ADAM8: variants seen among roughly 807,000 people sequenced by gnomAD.
The protein encoded by ADAM8 is disintegrin and metalloproteinase domain-containing protein 8.
Under a neutral mutation model 102.4 loss-of-function variants are expected in ADAM8, and 104 were observed. That is an observed-to-expected ratio of 1.02 (90% CI 0.87 to 1.20). The LOEUF (loss-of-function observed/expected upper bound fraction) is 1.20, where lower values mean the gene tolerates loss of function less well. Among genes scored for constraint, ADAM8 ranks in the 50% most tolerant of loss-of-function variants. ADAM8 has a pLI of 0.00. For missense variants in ADAM8, 1,132 were observed against 1,159.0 expected (o/e 0.98, Z 0.34); for synonymous variants, 517 against 485.2 (o/e 1.07, Z -0.86).
intron 21 of ADAM8, among the ~76,000 whole-genome samples, chr10:133,266,341 G>A (rs1353202926): frequency 6.6e-6 from 1 of 152,192 alleles, no homozygotes; most frequent in Non-Finnish European, 1.5e-5. Flanking sequence ...AGCAGGCCAG[G>A]CGAAGGGCAT....
Position 133,271,078 on chromosome 10 carries a change from A to G in ADAM8, c.1375-8T>C. The G allele has an allele frequency of 6.2e-7, 1 of 1,608,262 alleles. No homozygotes were observed. The highest frequency in any genetic ancestry group is 8.5e-7 in the Non-Finnish European group (1 of 1,177,968). On this transcript the variant is annotated splice_region_variant and splice_polypyrimidine_tract_variant and intron_variant, in intron 13 of 22. Coordinates refer to ENST00000445355, the MANE Select transcript of ADAM8 (RefSeq NM_001109.5). ...CTCACCAGCCGGCTTCACCTGGCCCAGCAGAGAACAGCTCACCATGGGGAC... is the reference window on the plus strand; with the variant it reads ...CTCACCAGCCGGCTTCACCTGGCCCGGCAGAGAACAGCTCACCATGGGGAC...
Position 133,262,990 on chromosome 10 carries a change from A to T in ADAM8, c.*166T>A, listed in dbSNP as rs999207304. 6.0e-5 allele frequency: 50 copies of T among 838,720 alleles called. No homozygotes were observed. The highest frequency in any genetic ancestry group is 9.2e-5 in the Non-Finnish European group (46 of 498,178). 52.0% of individuals were successfully genotyped at this position (838,720 alleles called of 1,614,324 possible). ...GAGAAGGAATTGGCTGAGGGCGTGG[A>T]CAGCAGGAGCCTCTCAGGTAGATGC... On this transcript the variant is annotated 3_prime_UTR_variant, in exon 23 of 23. Transcript: ENST00000445355.
chr10:133,270,861 C>T lies in ADAM8; in HGVS notation c.1564+20G>A. On this transcript the variant is annotated intron_variant, in intron 14 of 22. Coordinates refer to ENST00000445355, the MANE Select transcript of ADAM8 (RefSeq NM_001109.5). ...AAGGCCTGCAGCCACCCTGCCAGGC[C>T]AGCTCTGTGCCCACTTCACCTGGCC... 3 of 1,610,216 alleles carry T rather than the reference C, an allele frequency of 1.9e-6. No individual in the cohort carries two copies. The highest frequency in any genetic ancestry group is 1.7e-6 in the Non-Finnish European group (2 of 1,178,030).
At chr10:133,276,677 C>T (rs1846767319) in intron 1 of ADAM8, 95 bp downstream of exon 1, 12 of 1,459,250 alleles carry the variant, frequency 8.2e-6, no homozygotes, top group Non-Finnish European at 1.1e-5. Context: ...GTGCGGGGTG[C>T]GAGCAGGCCA....
At chr10:133,264,973 T>C (rs1846279832) in intron 21 of ADAM8, among the ~76,000 whole-genome samples, 1 of 120,744 alleles carries the variant, frequency 8.3e-6, no homozygotes, top group Admixed American at 8.6e-5. Flanking sequence ...CTCTGCCCCA[T>C]CTACCTCCAC....
intron 17 of ADAM8, 95 bp from the exon 18 acceptor site, chr10:133,269,624 AC>A: frequency 7.8e-7 from 1 of 1,283,198 alleles, no homozygotes. Flanking sequence ...GGCCAGCCCC[AC>A]CCCCGAGGGC....
intron 21 of ADAM8, among the ~76,000 whole-genome samples, chr10:133,264,058 CTTTTTT>C (rs3058139): frequency 5.1e-4 from 43 of 84,042 alleles, no homozygotes; most frequent in African/African-American, 1.1e-3. Flanking sequence ...TTTTCCTTTC[CTTTTTT>C]TTTTTTTTTT....
intron 22 of ADAM8, 44 bp downstream of exon 22, chr10:133,263,644 T>TCAGC (rs747063346): frequency 4.7e-5 from 8 of 170,828 alleles, no homozygotes; most frequent in South Asian, 2.0e-4. Context: ...GGCCGTGCCG[T>TCAGC]CCATTGCACA....
At chr10:133,265,093 C>T (rs1589800423) in intron 21 of ADAM8, among the ~76,000 whole-genome samples, 1 of 137,866 alleles carries the variant, frequency 7.3e-6, no homozygotes. Flanking sequence ...TCTGCCCCAT[C>T]TACCTCCACG....
intron 15 of ADAM8, 88 bp downstream of exon 15, chr10:133,270,648 G>A: frequency 1.9e-6 from 3 of 1,539,338 alleles, no homozygotes; most frequent in East Asian, 2.3e-5. Context: ...GACCCTCATG[G>A]GAGCAGGACC....
Position 133,263,050 on chromosome 10 carries a change from A to G in ADAM8, c.*106T>C. On this transcript the variant is annotated 3_prime_UTR_variant, in exon 23 of 23. Coordinates refer to ENST00000445355, the MANE Select transcript of ADAM8 (RefSeq NM_001109.5). ...GTTAGAACAGCAGCTGAGCCTGCAA[A>G]GTCAGGGTCTAGGGCTGAGCGGCAC... 7.4e-7 allele frequency: 1 copy of G among 1,350,442 alleles called. No homozygotes were observed. Among genetic ancestry groups the G allele is most frequent in the Admixed American group, 1.7e-5 (1 of 59,112 alleles). 83.7% of individuals were successfully genotyped at this position (1,350,442 alleles called of 1,614,324 possible). A position where few individuals can be genotyped will look rare whatever the true frequency, so the allele number is the denominator to read the frequency against.
intron 1 of ADAM8, 118 bp from the exon 2 acceptor site, chr10:133,275,705 C>T (rs922799598): frequency 1.7e-6 from 1 of 572,332 alleles, no homozygotes; most frequent in African/African-American, 2.0e-5. Context: ...GGGGAACTCA[C>T]CAGATAGCTC....
At chr10:133,274,660 C>T (rs140408061) in intron 2 of ADAM8, 5 of 295,458 alleles carry the variant, frequency 1.7e-5, no homozygotes, top group Middle Eastern at 1.3e-3. Context: ...TGCCCCTTCC[C>T]CGAGAAAGCA....
intron 21 of ADAM8, 116 bp downstream of exon 21, chr10:133,267,236 G>T: frequency 8.3e-7 from 1 of 1,198,070 alleles, no homozygotes; most frequent in Non-Finnish European, 1.2e-6. Context: ...AGCCTTCTGT[G>T]TACAGCAGGG....
intron 17 of ADAM8, 46 bp from the exon 18 acceptor site, chr10:133,269,575 A>G: frequency 6.6e-7 from 1 of 1,516,764 alleles, no homozygotes; most frequent in Non-Finnish European, 8.8e-7. Context: ...GTGGACCCCA[A>G]GGGGCCGTGG....
At chr10:133,263,609 A>AGTGCCGCCGTCAGCCCCGTGGGGAGGCC in intron 22 of ADAM8, 79 bp downstream of exon 22, 16 of 64,778 alleles carry the variant, frequency 2.5e-4, no homozygotes, top group Non-Finnish European at 3.8e-4. Context: ...CCTCCAGGGC[A>AGTGCCGCCGTCAGCCCCGTGGGGAGGCC]GTGCCACCGT....
intron 16 of ADAM8, 122 bp downstream of exon 16, chr10:133,270,238 C>G (rs139226456): frequency 0.016 from 21,410 of 1,317,496 alleles, 194 homozygotes; most frequent in Non-Finnish European, 0.019. Flanking sequence ...ACTAGAAGCG[C>G]GGAGAGAACT....
intron 2 of ADAM8, 50 bp from the exon 3 acceptor site, chr10:133,274,285 C>CCACCT (rs901820485): frequency 1.4e-6 from 2 of 1,479,496 alleles, no homozygotes; most frequent in Non-Finnish European, 1.8e-6. Context: ...CGGGCTGTGC[C>CCACCT]CACCTCAATC....
At chr10:133,263,399 A>G (rs3121298) in intron 22 of ADAM8, among the ~76,000 whole-genome samples, 166 bp from the exon 23 acceptor site, 136,615 of 152,262 alleles carry the variant, frequency 0.9, 61,381 homozygotes, top group East Asian at 0.94. Flanking sequence ...GGCAGTCACA[A>G]TATATACAGC....
Sources: allele counts gnomAD v4.1 joint callset (sites outside exome capture counted in the v4.1 genomes callset), GRCh38; gene constraint gnomAD v4.1.1; transcripts MANE v1.5; gene names NCBI Gene and HGNC (gene_info 2026-07-23, HGNC 2026-07-21).